The following FGD4 variants were observed in gnomAD, a reference collection of about 807,000 sequenced individuals.
The protein encoded by FGD4 is FYVE, RhoGEF and PH domain containing 4, also known as FYVE, RhoGEF and PH domain-containing protein 4.
In FGD4, 42 loss-of-function variants were observed where a neutral mutation model predicts 102.0. The ratio of observed to expected loss-of-function variants is 0.41; its 90% CI spans 0.32 to 0.53. The LOEUF (loss-of-function observed/expected upper bound fraction) is 0.53. FGD4 is among the 20% of genes least tolerant of loss of function. The probability of loss-of-function intolerance (pLI) is 0.21; values close to 1 mark genes in which losing one functional copy is unlikely to be tolerated. For synonymous variants in FGD4, 380 were observed against 375.7 expected (o/e 1.01, Z -0.13); for missense variants, 902 against 1,078.2 (o/e 0.84, Z 2.29).
At chr12:32,619,162 A>G (rs1021164022) in intron 10 of FGD4, among the ~76,000 whole-genome samples, 13 of 152,244 alleles carry the variant, frequency 8.5e-5, no homozygotes, top group African/African-American at 2.9e-4. Context: ...TTACATAAAT[A>G]TCAATAAAAT....
rs537078433 is a variant in FGD4, at chr12:32,548,302, G to A, written c.167-15835G>A. ...TCTTATCAAATGAAGTGTTTTGTCC[G>A]ATCTTAGAGTTTAAACCCACAAGGA... is the stretch of plus-strand genomic sequence containing the variant. On this transcript the variant is annotated intron_variant, in intron 1 of 16. Transcript: ENST00000534526. Among the ~76,000 whole-genome samples, 24 of 152,252 alleles carry A rather than the reference G, an allele frequency of 1.6e-4. No individual in the cohort carries two copies. The South Asian group carries it at 3.9e-3, about 25-fold the overall frequency.
intron 1 of FGD4, among the ~76,000 whole-genome samples, chr12:32,426,797 G>A (rs902735708): frequency 6.6e-6 from 1 of 151,510 alleles, no homozygotes; most frequent in Non-Finnish European, 1.5e-5. Context: ...TCTTGGGAGG[G>A]TGTATGTGTC....
At chr12:32,468,242 T>A (rs1293252868) in intron 1 of FGD4, among the ~76,000 whole-genome samples, 1 of 148,298 alleles carries the variant, frequency 6.7e-6, no homozygotes, top group East Asian at 2.0e-4. Context: ...TCAATCATTG[T>A]CTACTGTATG....
intron 1 of FGD4, among the ~76,000 whole-genome samples, chr12:32,485,436 A>ATT (rs372655892): frequency 0.26 from 30,006 of 114,018 alleles, 4,503 homozygotes; most frequent in Middle Eastern, 0.34. Context: ...TTTAAGACCA[A>ATT]TTTTTTTTTT....
chr12:32,613,629 A>G (rs1362145187), intron 10 of FGD4, among the ~76,000 whole-genome samples: 1 of 152,090 alleles, frequency 6.6e-6, no homozygotes, highest in South Asian at 2.1e-4. Flanking sequence ...GGTAGCTTGC[A>G]CCTGTACTCC....
Position 32,644,100 on chromosome 12 carries a change from A to C in FGD4, c.*3567A>C, listed in dbSNP as rs1379864720. 1 of 152,182 alleles carries C rather than the reference A, an allele frequency of 6.6e-6. No individual in the cohort carries two copies. The highest frequency in any genetic ancestry group is 2.1e-4 in the South Asian group (1 of 4,832). 9.4% of individuals were successfully genotyped at this position (152,182 alleles called of 1,614,324 possible). ...TGTTAGTGGGTCTAAGATTAAGCAC[A>C]TGATATTTATAAGCTAAAATTAACT... On this transcript the variant is annotated 3_prime_UTR_variant, in exon 17 of 17. Coordinates refer to ENST00000534526, the MANE Select transcript of FGD4 (RefSeq NM_001370298.3).
At chr12:32,610,971 A>G (rs945396462) in intron 9 of FGD4, 137 bp downstream of exon 9, 117 of 1,250,894 alleles carry the variant, frequency 9.4e-5, no homozygotes, top group Non-Finnish European at 1.3e-4. Context: ...GTTTAATGTT[A>G]TCTGGAATAA....
At chr12:32,563,245 G>T (rs1480006707) in intron 1 of FGD4, among the ~76,000 whole-genome samples, 1 of 151,614 alleles carries the variant, frequency 6.6e-6, no homozygotes, top group Non-Finnish European at 1.5e-5. Context: ...CTTCTCAGAC[G>T]GGGCGGTTGC....
intron 1 of FGD4, among the ~76,000 whole-genome samples, chr12:32,424,043 C>A (rs976463887): frequency 3.9e-5 from 6 of 152,046 alleles, no homozygotes; most frequent in Non-Finnish European, 7.4e-5. Flanking sequence ...CATGCTGTTG[C>A]AAATGACAGA....
At chr12:32,513,001 T>G (rs1254149734) in intron 1 of FGD4, among the ~76,000 whole-genome samples, 2 of 152,188 alleles carry the variant, frequency 1.3e-5, no homozygotes, top group Admixed American at 1.3e-4. Flanking sequence ...CATTTAAACA[T>G]TTAAGGGTTT....
intron 2 of FGD4, among the ~76,000 whole-genome samples, chr12:32,568,923 C>T (rs1945409780): frequency 6.6e-6 from 1 of 151,870 alleles, no homozygotes. Context: ...TAATAAAACC[C>T]ATCTTATTTA....
intron 1 of FGD4, among the ~76,000 whole-genome samples, chr12:32,546,958 T>C (rs1943272197): frequency 6.6e-6 from 1 of 152,216 alleles, no homozygotes; most frequent in African/African-American, 2.4e-5. Flanking sequence ...TTATATTTCT[T>C]AAATTGATTT....
intron 11 of FGD4, among the ~76,000 whole-genome samples, chr12:32,621,670 T>G (rs1049807000): frequency 1.3e-5 from 2 of 152,220 alleles, no homozygotes; most frequent in African/African-American, 4.8e-5. Flanking sequence ...AGTTATTTGC[T>G]TTTCCACAGA....
intron 1 of FGD4, among the ~76,000 whole-genome samples, chr12:32,539,282 T>C (rs982254300): frequency 3.3e-5 from 5 of 151,882 alleles, no homozygotes; most frequent in African/African-American, 1.2e-4. Context: ...AGAAAACCAA[T>C]ACACGGGCCA....
chr12:32,628,938 AC>A (rs1387644894), intron 14 of FGD4, among the ~76,000 whole-genome samples: 9 of 152,286 alleles, frequency 5.9e-5, no homozygotes, highest in Admixed American at 2.6e-4. Flanking sequence ...AGGCACCCAG[AC>A]CTATTGCTGT....
At chr12:32,634,663 T>C (rs181788390) in intron 15 of FGD4, among the ~76,000 whole-genome samples, 61 of 152,312 alleles carry the variant, frequency 4.0e-4, no homozygotes, top group Admixed American at 3.5e-3. Context: ...AAATGCTATG[T>C]ATCTAAAATC....
intron 1 of FGD4, among the ~76,000 whole-genome samples, chr12:32,432,170 C>A (rs925895342): frequency 5.3e-5 from 8 of 151,174 alleles, no homozygotes; most frequent in Admixed American, 1.3e-4. Context: ...CACCATTCTC[C>A]TGCCTCAGTC....
rs117688010 is a variant in FGD4 at position 32,487,258 on chromosome 12, T to C, written c.167-76879T>C. Among the ~76,000 whole-genome samples the C allele has an allele frequency of 6.4e-3, 973 of 152,322 alleles. 7 individuals are homozygous for C. The highest frequency in any genetic ancestry group is 8.0e-3 in the Non-Finnish European group (545 of 68,034). ...ATTCTTGATTTTAAGATAACAATAA[T>C]AGCTTGACCTTAGATTTGTAAGCAC... On this transcript the variant is annotated intron_variant, in intron 1 of 16. Transcript: ENST00000534526.
At chr12:32,542,848 T>C (rs960355500) in intron 1 of FGD4, among the ~76,000 whole-genome samples, 3 of 152,190 alleles carry the variant, frequency 2.0e-5, no homozygotes, top group African/African-American at 4.8e-5. Context: ...CTGGTGACTT[T>C]TCATATAAGG....
Sources: allele counts gnomAD v4.1 joint callset (sites outside exome capture counted in the v4.1 genomes callset), GRCh38; gene constraint gnomAD v4.1.1; transcripts MANE v1.5; gene names NCBI Gene and HGNC (gene_info 2026-07-23, HGNC 2026-07-21).